LRRC49: variants seen among roughly 807,000 people sequenced by gnomAD.
The protein encoded by LRRC49 is leucine-rich repeat-containing protein 49.
A neutral mutation model predicts 83.3 loss-of-function variants in LRRC49; 50 were observed. The ratio of observed to expected loss-of-function variants is 0.60; its 90% confidence interval spans 0.48 to 0.76. The LOEUF (loss-of-function observed/expected upper bound fraction) is 0.76. LRRC49 is among the 30% of genes least tolerant of loss of function. The probability of loss-of-function intolerance (pLI) is 0.00; values close to 1 mark genes in which losing one functional copy is unlikely to be tolerated. For missense variants in LRRC49, 704 were observed against 809.1 expected (o/e 0.87, Z 1.58); for synonymous variants, 286 against 283.3 (o/e 1.01, Z -0.10).
upstream of LRRC49, chr15:70,892,155 A>G: frequency 1.2e-6 from 2 of 1,613,020 alleles, no homozygotes; most frequent in Non-Finnish European, 1.7e-6. Context: ...TCGGCGCGGC[A>G]ACCCCGCACG....
At chr15:70,921,572 G>A (rs2035007878) in intron 7 of LRRC49, among the ~76,000 whole-genome samples, 1 of 152,190 alleles carries the variant, frequency 6.6e-6, no homozygotes, top group Non-Finnish European at 1.5e-5. Context: ...CTCATTGTAT[G>A]CACTGACCCA....
chr15:70,883,881 C>T (rs1216016029), intron 2 of LRRC49, among the ~76,000 whole-genome samples: 1 of 151,984 alleles, frequency 6.6e-6, no homozygotes, highest in Non-Finnish European at 1.5e-5. Flanking sequence ...GTCTCAAACT[C>T]CTGGCCTCAA....
chr15:70,899,628 C>T (rs1325020022), intron 3 of LRRC49, among the ~76,000 whole-genome samples: 3 of 152,136 alleles, frequency 2.0e-5, no homozygotes, highest in Non-Finnish European at 4.4e-5. Flanking sequence ...TGAGATACTT[C>T]AGTTTATGCC....
chr15:71,025,796 A>G (rs1194645294), intron 14 of LRRC49, among the ~76,000 whole-genome samples: 1 of 152,070 alleles, frequency 6.6e-6, no homozygotes, highest in Non-Finnish European at 1.5e-5. Context: ...AGGGCATTAC[A>G]TAATAGTAAA....
chr15:71,005,100 C>T (rs999994097), intron 11 of LRRC49, among the ~76,000 whole-genome samples: 11 of 151,978 alleles, frequency 7.2e-5, no homozygotes, highest in African/African-American at 2.7e-4. Flanking sequence ...TTTTATTTTC[C>T]ATACAAAATA....
chr15:70,887,194 AATTT>A lies in LRRC49; in HGVS notation c.19-6386_19-6383del, dbSNP rs1254616060. 2.0e-5 allele frequency among the ~76,000 whole-genome samples: 3 copies of A among 152,112 alleles called. No homozygotes were observed. The East Asian group carries it at 5.8e-4, about 29-fold the overall frequency. ...TGAGTTCTACCAAATATTAATACCA[AATTT>A]ATTAATGGATATATGCCATTTTATA... On this transcript the variant is annotated intron_variant, in intron 2 of 16. Coordinates refer to the LRRC49 transcript ENST00000544974.
At chr15:70,930,546 G>A (rs2035368815) in intron 7 of LRRC49, among the ~76,000 whole-genome samples, 1 of 152,216 alleles carries the variant, frequency 6.6e-6, no homozygotes, top group African/African-American at 2.4e-5. Context: ...AGCTCCTAAC[G>A]AGAGAGTCAG....
intron 8 of LRRC49, among the ~76,000 whole-genome samples, chr15:70,954,648 T>G (rs1478471235): frequency 1.3e-5 from 2 of 152,210 alleles, no homozygotes; most frequent in African/African-American, 4.8e-5. Context: ...GACTGTGGTG[T>G]AAGCTGGATA....
chr15:70,923,336 A>T (rs887336895), intron 7 of LRRC49, among the ~76,000 whole-genome samples: 2 of 151,920 alleles, frequency 1.3e-5, no homozygotes, highest in African/African-American at 4.8e-5. Flanking sequence ...TCTATAGTTG[A>T]TGCTTACTAT....
chr15:70,892,227 A>G (rs1191043402), upstream of LRRC49: 1 of 1,593,688 alleles, frequency 6.3e-7, no homozygotes, highest in Non-Finnish European at 8.6e-7. Flanking sequence ...GACTTCCCAG[A>G]CTTGGTGGTG....
At chr15:70,880,514 G>T (rs1265389168) in intron 2 of LRRC49, among the ~76,000 whole-genome samples, 3 of 151,994 alleles carry the variant, frequency 2.0e-5, no homozygotes, top group Admixed American at 2.0e-4. Flanking sequence ...CACTAAACTG[G>T]TCTAGCAACT....
intron 13 of LRRC49, among the ~76,000 whole-genome samples, chr15:71,011,651 T>A (rs1036446067): frequency 6.6e-6 from 1 of 152,096 alleles, no homozygotes; most frequent in Non-Finnish European, 1.5e-5. Flanking sequence ...TAAATTGAAT[T>A]AATAGCATCA....
chr15:70,965,099 G>A (rs2036749223), intron 9 of LRRC49, among the ~76,000 whole-genome samples: 1 of 152,068 alleles, frequency 6.6e-6, no homozygotes, highest in African/African-American at 2.4e-5. Context: ...TATTTTTGTG[G>A]TGACTCTTTA....
At chr15:70,880,623 G>A (rs559078218) in intron 2 of LRRC49, among the ~76,000 whole-genome samples, 6 of 152,104 alleles carry the variant, frequency 3.9e-5, no homozygotes, top group Non-Finnish European at 7.3e-5. Context: ...TCCTTTTACT[G>A]TGAAGGGCAG....
At position 71,050,316 on chromosome 15, in the gene LRRC49, G is replaced by A. The variant is rs2039977183; in HGVS notation, c.*704G>A. 6.6e-6 allele frequency: 1 copy of A among 152,206 alleles called. No individual in the cohort carries two copies. The highest frequency in any genetic ancestry group is 6.5e-5 in the Admixed American group (1 of 15,276). 9.4% of individuals were successfully genotyped at this position (152,206 alleles called of 1,614,324 possible). A position where few individuals can be genotyped will look rare whatever the true frequency, so the allele number is the denominator to read the frequency against. ...AGGAGATCCTGAATGACTATAAAATGCTGTTACAAAGCAGTAAATCTGCTT... is the reference window on the plus strand; with the variant it reads ...AGGAGATCCTGAATGACTATAAAATACTGTTACAAAGCAGTAAATCTGCTT... On this transcript the variant is annotated 3_prime_UTR_variant, in exon 16 of 16. Transcript: ENST00000260382.
intron 1 of LRRC49, chr15:70,859,350 G>A: frequency 1.3e-6 from 1 of 776,222 alleles, no homozygotes; most frequent in Non-Finnish European, 2.4e-6. Flanking sequence ...CTGGAGTCTT[G>A]CCTGGAAGGG....
At chr15:70,962,574 G>A (rs901538933) in intron 8 of LRRC49, among the ~76,000 whole-genome samples, 3 of 151,474 alleles carry the variant, frequency 2.0e-5, no homozygotes, top group Non-Finnish European at 4.4e-5. Flanking sequence ...CATGAGTATA[G>A]AAAATCTTAT....
At chr15:70,885,267 G>A (rs758305781) in intron 2 of LRRC49, among the ~76,000 whole-genome samples, 17 of 151,978 alleles carry the variant, frequency 1.1e-4, no homozygotes, top group Non-Finnish European at 1.8e-4. Flanking sequence ...CAGACATAGG[G>A]GATAAGATTT....
chr15:70,978,125 CCTT>C (rs1380604544), intron 9 of LRRC49, among the ~76,000 whole-genome samples: 2 of 152,062 alleles, frequency 1.3e-5, no homozygotes, highest in Admixed American at 1.3e-4. Context: ...GTCTCTTTGA[CCTT>C]CTTTAATTCT....
Sources: allele counts gnomAD v4.1 joint callset (sites outside exome capture counted in the v4.1 genomes callset), GRCh38; gene constraint gnomAD v4.1.1; transcripts MANE v1.5; gene names NCBI Gene and HGNC (gene_info 2026-07-23, HGNC 2026-07-21).